The following TEX14 variants were observed in gnomAD, a reference collection of about 807,000 sequenced individuals.
TEX14 encodes the protein testis expressed 14, intercellular bridge forming factor.
In TEX14, 168 loss-of-function variants were observed where a neutral mutation model predicts 178.6. That is an observed-to-expected ratio of 0.94 (90% CI 0.83 to 1.07). The LOEUF is 1.07. Among genes scored for constraint, TEX14 ranks in the 50% least tolerant of loss-of-function variants. The pLI, the probability that TEX14 is intolerant of heterozygous loss-of-function variation, is 0.00. For missense variants in TEX14, 1,730 were observed against 1,753.6 expected (o/e 0.99, Z 0.24); for synonymous variants, 626 against 634.1 (o/e 0.99, Z 0.19).
At chr17:58,680,497 T>C (rs2047482645) in intron 1 of TEX14, among the ~76,000 whole-genome samples, 1 of 152,130 alleles carries the variant, frequency 6.6e-6, no homozygotes, top group Admixed American at 6.6e-5. Context: ...ATCCCAGCCC[T>C]TTGGGAGGCC....
intron 28 of TEX14, among the ~76,000 whole-genome samples, chr17:58,563,034 T>C (rs920842509): frequency 1.3e-5 from 2 of 151,594 alleles, no homozygotes; most frequent in African/African-American, 2.4e-5. Context: ...TCATGCCCTA[T>C]TGCACTCCAG....
At chr17:58,595,403 G>A (rs1051304413) in intron 14 of TEX14, among the ~76,000 whole-genome samples, 3 of 152,058 alleles carry the variant, frequency 2.0e-5, no homozygotes, top group East Asian at 1.9e-4. Flanking sequence ...ACCCTGCCAC[G>A]CCTCCTATAA....
chr17:58,570,887 T>G (rs1402675694), intron 24 of TEX14, among the ~76,000 whole-genome samples: 1 of 152,064 alleles, frequency 6.6e-6, no homozygotes, highest in Admixed American at 6.6e-5. Context: ...CACTTCAGCT[T>G]CCCAAAGTGG....
At chr17:58,563,461 A>C (rs1288377146) in intron 28 of TEX14, among the ~76,000 whole-genome samples, 4 of 151,476 alleles carry the variant, frequency 2.6e-5, no homozygotes, top group Admixed American at 6.6e-5. Flanking sequence ...AAAACAACTC[A>C]AGAGAAAATA....
intron 3 of TEX14, among the ~76,000 whole-genome samples, chr17:58,629,216 T>C (rs538583302): frequency 1.3e-5 from 2 of 152,168 alleles, no homozygotes; most frequent in Non-Finnish European, 2.9e-5. Flanking sequence ...ATCCCAGCAC[T>C]GTGGGAGGCC....
At chr17:58,575,739 G>C (rs1240553484) in intron 21 of TEX14, among the ~76,000 whole-genome samples, 2 of 152,170 alleles carry the variant, frequency 1.3e-5, no homozygotes, top group African/African-American at 4.8e-5. Flanking sequence ...GCCTAAGTCT[G>C]ATAGAAGGCA....
intron 3 of TEX14, 70 bp downstream of exon 3, chr17:58,630,366 CTAAT>C: frequency 1.6e-6 from 2 of 1,214,680 alleles, no homozygotes; most frequent in South Asian, 2.5e-5. Context: ...AAACGTTTTT[CTAAT>C]TAGTTTCTAA....
chr17:58,590,661 C>T (rs1170367218), intron 15 of TEX14, among the ~76,000 whole-genome samples: 1 of 151,888 alleles, frequency 6.6e-6, no homozygotes, highest in Non-Finnish European at 1.5e-5. Context: ...ATCAGGTGAT[C>T]CTCCCACCTC....
At chr17:58,612,600 T>G in intron 9 of TEX14, among the ~76,000 whole-genome samples, 1 of 151,082 alleles carries the variant, frequency 6.6e-6, no homozygotes, top group East Asian at 2.0e-4. Flanking sequence ...CTGGGTGTGG[T>G]GGGGGGTGCC....
At chr17:58,680,356 G>C (rs1022911316) in intron 1 of TEX14, among the ~76,000 whole-genome samples, 5 of 152,144 alleles carry the variant, frequency 3.3e-5, no homozygotes, top group Non-Finnish European at 7.4e-5. Context: ...AGTCCAAAGT[G>C]TCATGCTTAC....
In TEX14 at chr17:58,645,701, C is replaced by A. The variant is rs577978618; in HGVS notation, c.136+6165G>T. On this transcript the variant is annotated intron_variant, in intron 2 of 31. Coordinates refer to ENST00000349033, the MANE Select transcript of TEX14 (RefSeq NM_031272.5). ...AGGATAAGAGAAGGGGAGAAATGAA[C>A]CTATAAGGTTGCATCTTTTATGTGA... is the stretch of plus-strand genomic sequence containing the variant. Among the ~76,000 whole-genome samples, 38 of 152,212 alleles carry A rather than the reference C, an allele frequency of 2.5e-4. No individual in the cohort carries two copies. In the South Asian group the frequency reaches 7.9e-3, roughly 32 times the overall value.
At chr17:58,660,396 C>T in intron 1 of TEX14, 1 of 361,462 alleles carries the variant, frequency 2.8e-6, no homozygotes, top group Non-Finnish European at 4.9e-6. Context: ...TAAAAAACTC[C>T]ATCTCAAAAA....
chr17:58,599,661 G>T lies in TEX14; in HGVS notation c.1684C>A (p.Gln562Lys). The T allele has an allele frequency of 6.2e-7, 1 of 1,607,146 alleles. No individual in the cohort carries two copies. The change falls in exon 14 of 32, where the codon CAA becomes AAA. Residue 562 changes from glutamine (Q) to lysine (K), a missense_variant. By Grantham distance (53) the Gln-to-Lys change is moderately conservative. Around this residue, in one of 2 missense-constraint regions of TEX14, gnomAD observed 941 missense variants for 1,072.4 expected, o/e 0.88. Coordinates refer to ENST00000349033, the MANE Select transcript of TEX14 (RefSeq NM_031272.5). ...GAGTGAACCCTTGGTGAATGAGGTT[G>T]ACTGCCTATTGAAAAAAACAGCAAA... is the stretch of plus-strand genomic sequence containing the variant. Reference protein sequence around the residue: ...EIIELKEMGSQPHSPRVHSLF... With the variant: ...EIIELKEMGSKPHSPRVHSLF...
chr17:58,592,818 C>T (rs557843660), intron 15 of TEX14, among the ~76,000 whole-genome samples: 287 of 152,222 alleles, frequency 1.9e-3, no homozygotes, highest in Middle Eastern at 0.01. Flanking sequence ...GGATTACAGG[C>T]GTGACCCACC....
At chr17:58,648,815 A>G (rs2046774752) in intron 2 of TEX14, among the ~76,000 whole-genome samples, 1 of 118,176 alleles carries the variant, frequency 8.5e-6, no homozygotes. Flanking sequence ...TTTGAGACAG[A>G]GTCTCGCTCT....
At position 58,601,911 on chromosome 17, in the gene TEX14, C is replaced by T. The variant is rs538919836; in HGVS notation, c.1573G>A (p.Val525Met). ...QRTQPTESPR[V>M]QRYGLHPDVN... ...TCGGGATGGAGTCCGTATCTCTGCA[C>T]TCTGGGGCTCTCGGTTGGTTGAGTT... Residue 525 changes from valine (V) to methionine (M), a missense_variant, in exon 13 of 32, where the codon GTG (valine) becomes ATG (methionine). By Grantham distance (21) the Val-to-Met change is conservative. Around this residue, in one of 2 missense-constraint regions of TEX14, gnomAD observed 789 missense variants for 681.2 expected, o/e 1.16. Coordinates refer to ENST00000349033, the MANE Select transcript of TEX14 (RefSeq NM_031272.5). 5 of 1,613,392 alleles carry T rather than the reference C, an allele frequency of 3.1e-6. No individual in the cohort carries two copies. Among genetic ancestry groups the T allele is most frequent in the South Asian group, 1.1e-5 (1 of 91,036 alleles).
At chr17:58,685,174 C>G (rs901742868) in intron 1 of TEX14, among the ~76,000 whole-genome samples, 1 of 151,672 alleles carries the variant, frequency 6.6e-6, no homozygotes, top group African/African-American at 2.4e-5. Flanking sequence ...TTTTGAAGGA[C>G]CTGTTTTGAA....
At position 58,662,415 on chromosome 17, in the gene TEX14, T is replaced by TCACACACACACA. The variant is rs200980242; in HGVS notation, c.-1-10425_-1-10414dup. Among the ~76,000 whole-genome samples, 351 of 114,984 alleles carry TCACACACACACA rather than the reference T, an allele frequency of 3.1e-3. 1 individual carries two copies. The highest frequency in any genetic ancestry group is 6.4e-3 in the African/African-American group (232 of 36,432). The allele number at this position is 114,984 out of a possible 152,430, so 75.4% of individuals were successfully genotyped here. ...TGTACAGATATATAGCACACATATC[T>TCACACACACACA]CACACACACACACACACACACACAC... On this transcript the variant is annotated intron_variant, in intron 1 of 31. Coordinates refer to ENST00000349033, the MANE Select transcript of TEX14 (RefSeq NM_031272.5).
At chr17:58,675,323 A>T (rs1196388170) in intron 1 of TEX14, 2 of 153,516 alleles carry the variant, frequency 1.3e-5, no homozygotes, top group Non-Finnish European at 2.9e-5. Context: ...ATTTTCCCGA[A>T]AAAAGCTAAA....
Sources: gnomAD v4.1 joint callset for allele counts (sites outside exome capture counted in the v4.1 genomes callset) on GRCh38, gnomAD v4.1.1 for gene constraint, gnomAD v4.1.1 regional missense constraint, MANE v1.5 for transcripts, NCBI Gene and HGNC (gene_info 2026-07-23, HGNC 2026-07-21) for gene names.